The following ARHGAP22 variants were observed in gnomAD, a reference collection of about 807,000 sequenced individuals.
ARHGAP22 encodes Rho GTPase activating protein 22.
In ARHGAP22, 48 loss-of-function variants were observed where a neutral mutation model predicts 59.1. That is an observed-to-expected ratio of 0.81 (90% CI 0.64 to 1.03). The LOEUF is 1.03. Among genes scored for constraint, ARHGAP22 ranks in the 50% least tolerant of loss-of-function variants. The probability of loss-of-function intolerance (pLI) is 0.00; values close to 1 mark genes in which losing one functional copy is unlikely to be tolerated. For synonymous variants in ARHGAP22, 445 were observed against 416.4 expected (o/e 1.07, Z -0.84); for missense variants, 1,015 against 958.7 (o/e 1.06, Z -0.78).
intron 3 of ARHGAP22, among the ~76,000 whole-genome samples, chr10:48,554,167 G>A (rs1372300544): frequency 3.9e-5 from 6 of 152,178 alleles, no homozygotes; most frequent in South Asian, 2.1e-4. Flanking sequence ...TTGCACAGGC[G>A]CGTATAGTTG....
At chr10:48,627,444 C>T (rs765121517) in intron 1 of ARHGAP22, among the ~76,000 whole-genome samples, 1 of 152,306 alleles carries the variant, frequency 6.6e-6, no homozygotes, top group South Asian at 2.1e-4. Flanking sequence ...AACTGTTGGA[C>T]ACCCAGCTGG....
chr10:48,468,491 A>G (rs1029637287), intron 4 of ARHGAP22, among the ~76,000 whole-genome samples: 2 of 152,198 alleles, frequency 1.3e-5, no homozygotes, highest in Non-Finnish European at 2.9e-5. Flanking sequence ...TAAAGATACA[A>G]GGAACTGCTT....
upstream of ARHGAP22, among the ~76,000 whole-genome samples, chr10:48,606,720 T>G (rs1272703637): frequency 1.3e-5 from 2 of 152,180 alleles, no homozygotes; most frequent in Non-Finnish European, 2.9e-5. Flanking sequence ...TGCAGTTCCC[T>G]CTCTCTGGAA....
intron 1 of ARHGAP22, among the ~76,000 whole-genome samples, chr10:48,616,562 G>A (rs1184601246): frequency 6.6e-6 from 1 of 152,118 alleles, no homozygotes; most frequent in Admixed American, 6.5e-5. Context: ...TCAAAAGCCA[G>A]CGTCAGGGAG....
At chr10:48,583,820 C>T (rs73300277) in intron 1 of ARHGAP22, among the ~76,000 whole-genome samples, 1 of 152,124 alleles carries the variant, frequency 6.6e-6, no homozygotes, top group Admixed American at 6.5e-5. Flanking sequence ...GTTTGCTGTG[C>T]CTTGTTGGTG....
At chr10:48,525,282 A>C (rs1052365439) in intron 3 of ARHGAP22, among the ~76,000 whole-genome samples, 2 of 152,212 alleles carry the variant, frequency 1.3e-5, no homozygotes, top group Non-Finnish European at 2.9e-5. Flanking sequence ...CATCAGTAAA[A>C]GAATCATCGG....
chr10:48,566,946 G>A (rs1234569835), intron 2 of ARHGAP22, among the ~76,000 whole-genome samples: 1 of 152,208 alleles, frequency 6.6e-6, no homozygotes, highest in Non-Finnish European at 1.5e-5. Context: ...CCAGGGCCTG[G>A]GGCCTGAGAC....
At chr10:48,621,523 A>C (rs2061285282) in intron 1 of ARHGAP22, among the ~76,000 whole-genome samples, 1 of 152,204 alleles carries the variant, frequency 6.6e-6, no homozygotes, top group Non-Finnish European at 1.5e-5. Flanking sequence ...AGATTTGTTA[A>C]AAGTATAAAT....
chr10:48,625,109 G>A (rs1317369431), intron 1 of ARHGAP22: 2 of 152,170 alleles, frequency 1.3e-5, no homozygotes, highest in Non-Finnish European at 2.9e-5. Context: ...CATGAACTTG[G>A]GCCAGTCTCT....
rs181111502 is a variant in ARHGAP22 at position 48,592,541 on chromosome 10, A to T, written c.35-9389T>A. On this transcript the variant is annotated intron_variant, in intron 1 of 9. Transcript: ENST00000249601. ...TACTCCCCCGCTTCTCCCCTCCCTC[A>T]CCGGCTGTCACTCCCATCTCCCCGT... 3.8e-3 allele frequency among the ~76,000 whole-genome samples: 579 copies of T among 151,596 alleles called. 10 individuals are homozygous for T. The highest frequency in any genetic ancestry group is 0.033 in the Admixed American group (504 of 15,226).
intron 4 of ARHGAP22, among the ~76,000 whole-genome samples, chr10:48,471,935 G>A (rs1445790242): frequency 1.3e-5 from 2 of 152,204 alleles, no homozygotes; most frequent in Admixed American, 1.3e-4. Context: ...TGGGCCAGGT[G>A]CGGTGGCTCA....
At chr10:48,543,111 C>T (rs1301775452) in intron 3 of ARHGAP22, among the ~76,000 whole-genome samples, 2 of 152,098 alleles carry the variant, frequency 1.3e-5, no homozygotes, top group Non-Finnish European at 2.9e-5. Context: ...TATCCATGTG[C>T]CCAAGGGGAC....
chr10:48,524,651 T>C (rs1478175334), intron 3 of ARHGAP22, among the ~76,000 whole-genome samples: 2 of 151,830 alleles, frequency 1.3e-5, no homozygotes, highest in Non-Finnish European at 2.9e-5. Context: ...TTGTCGGGGG[T>C]GTTCAGGACC....
intron 1 of ARHGAP22, among the ~76,000 whole-genome samples, chr10:48,612,395 T>C (rs1315918417): frequency 6.6e-6 from 1 of 152,248 alleles, no homozygotes; most frequent in African/African-American, 2.4e-5. Flanking sequence ...GATGTGGTCA[T>C]GTGGCTGAGG....
intron 3 of ARHGAP22, among the ~76,000 whole-genome samples, chr10:48,505,984 T>C (rs187939447): frequency 5.5e-4 from 84 of 152,284 alleles, no homozygotes; most frequent in South Asian, 3.7e-3. Flanking sequence ...ACAAAATCTA[T>C]AGGCATGTGA....
intron 3 of ARHGAP22, 25 bp downstream of exon 3, chr10:48,555,438 A>C: frequency 1.2e-6 from 2 of 1,609,200 alleles, no homozygotes; most frequent in Non-Finnish European, 1.7e-6. Context: ...CCAGGGCTGC[A>C]GAGCTGGAAG....
intron 1 of ARHGAP22, among the ~76,000 whole-genome samples, chr10:48,648,241 T>C (rs968717377): frequency 1.3e-4 from 20 of 152,200 alleles, no homozygotes; most frequent in East Asian, 1.2e-3. Context: ...TAATAACCAA[T>C]GCCATGAAGA....
At chr10:48,572,102 C>T (rs2058431623) in intron 2 of ARHGAP22, among the ~76,000 whole-genome samples, 1 of 152,126 alleles carries the variant, frequency 6.6e-6, no homozygotes, top group African/African-American at 2.4e-5. Flanking sequence ...CACATCCGAC[C>T]AGCAATAATG....
At chr10:48,589,529 C>A (rs1277177030) in intron 1 of ARHGAP22, among the ~76,000 whole-genome samples, 2 of 152,126 alleles carry the variant, frequency 1.3e-5, no homozygotes, top group African/African-American at 2.4e-5. Flanking sequence ...GGGCCTATGT[C>A]CAAATTCAAC....
Sources: allele counts gnomAD v4.1 joint callset (sites outside exome capture counted in the v4.1 genomes callset), GRCh38; gene constraint gnomAD v4.1.1; transcripts MANE v1.5; gene names NCBI Gene and HGNC (gene_info 2026-07-23, HGNC 2026-07-21).